The following DOCK1 variants were observed in gnomAD, a reference collection of about 807,000 sequenced individuals.
The protein encoded by DOCK1 is dedicator of cytokinesis 1.
A neutral mutation model predicts 262.7 loss-of-function variants in DOCK1; 138 were observed. The ratio of observed to expected loss-of-function variants is 0.53; its 90% confidence interval spans 0.46 to 0.61. DOCK1 has a LOEUF of 0.61. DOCK1 is among the 20% of genes least tolerant of loss of function. The pLI is 0.00. For synonymous variants in DOCK1, 866 were observed against 867.4 expected (o/e 1.00, Z 0.03); for missense variants, 1,908 against 2,370.7 (o/e 0.80, Z 4.05).
At chr10:127,062,302 C>T (rs562317521) in intron 23 of DOCK1, among the ~76,000 whole-genome samples, 18 of 152,174 alleles carry the variant, frequency 1.2e-4, no homozygotes, top group Admixed American at 4.6e-4. Flanking sequence ...ATGGGACATA[C>T]GCTGATATTT....
intron 30 of DOCK1, among the ~76,000 whole-genome samples, chr10:127,340,168 A>G (rs1445956252): frequency 6.6e-6 from 1 of 152,204 alleles, no homozygotes; most frequent in Non-Finnish European, 1.5e-5. Context: ...TTACTTGTTT[A>G]TAAAATTTTT....
chr10:127,366,468 A>G (rs2064918396), intron 33 of DOCK1, among the ~76,000 whole-genome samples: 1 of 151,906 alleles, frequency 6.6e-6, no homozygotes, highest in South Asian at 2.1e-4. Flanking sequence ...GTCGGTTGTG[A>G]AGCTTCATCA....
chr10:127,214,593 T>C (rs2058122975), intron 27 of DOCK1, among the ~76,000 whole-genome samples: 1 of 152,156 alleles, frequency 6.6e-6, no homozygotes, highest in Non-Finnish European at 1.5e-5. Flanking sequence ...TCTTCATGGA[T>C]GGGTACCTGG....
chr10:127,145,957 T>TAA (rs2051794832), intron 27 of DOCK1: 1 of 513,196 alleles, frequency 1.9e-6, no homozygotes, highest in Non-Finnish European at 3.9e-6. Context: ...TCAAGACGCC[T>TAA]ATCTGTGAGG....
At chr10:127,089,449 C>G (rs1180686805) in intron 23 of DOCK1, among the ~76,000 whole-genome samples, 2 of 152,130 alleles carry the variant, frequency 1.3e-5, no homozygotes, top group Non-Finnish European at 2.9e-5. Context: ...CACTTTGTTT[C>G]CTTCCATTCT....
chr10:127,336,431 A>C (rs371831876), intron 29 of DOCK1, among the ~76,000 whole-genome samples: 11 of 152,080 alleles, frequency 7.2e-5, no homozygotes, highest in African/African-American at 2.7e-4. Context: ...ATTTATAGGG[A>C]ATCTGAATTA....
At chr10:127,196,654 C>G (rs1196178407) in intron 27 of DOCK1, among the ~76,000 whole-genome samples, 1 of 101,294 alleles carries the variant, frequency 9.9e-6, no homozygotes, top group Admixed American at 1.1e-4. Flanking sequence ...GGGCCGCGTG[C>G]GTGGGGTGGG....
At chr10:127,046,357 G>C (rs967241782) in intron 21 of DOCK1, among the ~76,000 whole-genome samples, 1 of 152,152 alleles carries the variant, frequency 6.6e-6, no homozygotes, top group Non-Finnish European at 1.5e-5. Flanking sequence ...CGCCTCTTCA[G>C]AACAGCGAGC....
chr10:127,339,695 T>TTGTGTGTG (rs112206811), intron 30 of DOCK1, among the ~76,000 whole-genome samples: 27 of 109,830 alleles, frequency 2.5e-4, no homozygotes, highest in African/African-American at 4.0e-4. Flanking sequence ...CTGGCCTGAT[T>TTGTGTGTG]TGTGTGTGTG....
At chr10:127,325,268 G>T (rs2720966) in intron 29 of DOCK1, among the ~76,000 whole-genome samples, 22 of 152,206 alleles carry the variant, frequency 1.4e-4, no homozygotes, top group African/African-American at 5.1e-4. Context: ...ATTAAAGATT[G>T]GCAAGCAACT....
Position 127,337,950 on chromosome 10 carries a change from G to A in DOCK1, c.3045-1056G>A, listed in dbSNP as rs919518048. Among the ~76,000 whole-genome samples, 6 of 152,334 alleles carry A rather than the reference G, an allele frequency of 3.9e-5. No homozygotes were observed. The South Asian group carries it at 1.2e-3, about 32-fold the overall frequency. ...TGGAGACCTCCTTAAAACCCCAGGT[G>A]GTGAATTTCTTCTTCCCTCCTCCCT... On this transcript the variant is annotated intron_variant, in intron 29 of 51. Coordinates refer to ENST00000623213, the MANE Select transcript of DOCK1 (RefSeq NM_001290223.2).
At chr10:127,218,364 T>C (rs2134409258) in intron 27 of DOCK1, among the ~76,000 whole-genome samples, 1 of 152,330 alleles carries the variant, frequency 6.6e-6, no homozygotes, top group Middle Eastern at 3.4e-3. Flanking sequence ...TCAAGGGATT[T>C]TTCCATTTTT....
intron 23 of DOCK1, among the ~76,000 whole-genome samples, chr10:127,064,718 G>A (rs149829818): frequency 6.6e-6 from 1 of 152,332 alleles, no homozygotes; most frequent in African/African-American, 2.4e-5. Flanking sequence ...CCCTGGGGCT[G>A]CAGCCAAATA....
chr10:126,949,478 G>A (rs1370567399), intron 1 of DOCK1, among the ~76,000 whole-genome samples: 2 of 152,128 alleles, frequency 1.3e-5, no homozygotes, highest in African/African-American at 4.8e-5. Flanking sequence ...GGGAGGGTTG[G>A]TCCTATGATG....
intron 35 of DOCK1, among the ~76,000 whole-genome samples, chr10:127,378,364 G>C (rs72841529): frequency 0.031 from 4,784 of 152,316 alleles, 134 homozygotes; most frequent in African/African-American, 0.076. Flanking sequence ...GTTCCTCTGG[G>C]AGCTGAGCTG....
intron 27 of DOCK1, among the ~76,000 whole-genome samples, chr10:127,239,476 T>C (rs185391335): frequency 7.9e-5 from 12 of 152,310 alleles, no homozygotes; most frequent in African/African-American, 2.9e-4. Context: ...CCTTAATACA[T>C]CATCCAACCA....
chr10:127,228,420 G>A (rs549434218), intron 27 of DOCK1, among the ~76,000 whole-genome samples: 56 of 152,250 alleles, frequency 3.7e-4, no homozygotes, highest in Admixed American at 2.6e-3. Context: ...AGCACTGAGC[G>A]GACTGTTCTT....
intron 1 of DOCK1, among the ~76,000 whole-genome samples, chr10:126,928,047 A>C (rs1462878268): frequency 6.6e-6 from 1 of 152,198 alleles, no homozygotes; most frequent in Non-Finnish European, 1.5e-5. Flanking sequence ...GAAGATACTC[A>C]GGGGAAGAGG....
At chr10:127,259,140 C>G (rs142158042) in intron 29 of DOCK1, among the ~76,000 whole-genome samples, 3 of 152,286 alleles carry the variant, frequency 2.0e-5, no homozygotes, top group African/African-American at 4.8e-5. Flanking sequence ...GGTGAGGAAG[C>G]CCCGGAGACC....
Sources: gnomAD v4.1 joint callset for allele counts (sites outside exome capture counted in the v4.1 genomes callset) on GRCh38, gnomAD v4.1.1 for gene constraint, MANE v1.5 for transcripts, NCBI Gene and HGNC (gene_info 2026-07-23, HGNC 2026-07-21) for gene names.